The following MRE11 variants were observed in gnomAD, a reference collection of about 807,000 sequenced individuals.
MRE11 encodes the protein MRE11 double strand break repair nuclease, also known as double-strand break repair protein MRE11.
MRE11 carries 62 observed loss-of-function variants against 91.7 expected under a neutral mutation model. The observed-to-expected ratio is 0.68, with a 90% CI of 0.55 to 0.84. The LOEUF (loss-of-function observed/expected upper bound fraction) is 0.84. Ranked by LOEUF, MRE11 falls within the 40% of genes least tolerant of loss-of-function variation. MRE11 has a pLI of 0.00. For missense variants in MRE11, 796 were observed against 852.9 expected (o/e 0.93, Z 0.83); for synonymous variants, 273 against 271.4 (o/e 1.01, Z -0.06).
At chr11:94,464,089 A>C in intron 11 of MRE11, 24 bp downstream of exon 11, 1 of 1,606,720 alleles carries the variant, frequency 6.2e-7, no homozygotes, top group Non-Finnish European at 8.5e-7. Context: ...ACATTTTTTT[A>C]CCTCATAAAA....
chr11:94,507,688 TGTA>T, the MRE11 span, among the ~76,000 whole-genome samples: 1 of 152,192 alleles, frequency 6.6e-6, no homozygotes, highest in African/African-American at 2.4e-5. Flanking sequence ...CTAGTGGGCA[TGTA>T]GTAATAGCTC....
intron 3 of MRE11, 136 bp downstream of exon 3, chr11:94,490,697 G>A: frequency 3.0e-6 from 3 of 987,574 alleles, no homozygotes; most frequent in Non-Finnish European, 4.7e-6. Flanking sequence ...TCAGCTTTGA[G>A]CTTTCAGTAT....
At chr11:94,458,444 A>C (rs191900427) in intron 13 of MRE11, among the ~76,000 whole-genome samples, 127 of 152,252 alleles carry the variant, frequency 8.3e-4, no homozygotes, top group African/African-American at 2.9e-3. Context: ...TTCTTCCAAA[A>C]TGTCATTTTT....
intron 10 of MRE11, among the ~76,000 whole-genome samples, chr11:94,465,934 A>G (rs1465990760): frequency 3.9e-5 from 6 of 152,182 alleles, no homozygotes; most frequent in Non-Finnish European, 8.8e-5. Context: ...TAAACAGATC[A>G]CTGGAAGCAG....
intron 16 of MRE11, among the ~76,000 whole-genome samples, chr11:94,443,182 A>G (rs990525569): frequency 6.6e-6 from 1 of 152,238 alleles, no homozygotes; most frequent in African/African-American, 2.4e-5. Context: ...CTTTATATTA[A>G]TTACATAGGT....
intron 18 of MRE11, among the ~76,000 whole-genome samples, chr11:94,434,930 G>A (rs1247109930): frequency 6.6e-6 from 1 of 152,172 alleles, no homozygotes; most frequent in Non-Finnish European, 1.5e-5. Context: ...TACAAAATAA[G>A]GCAGTTGATT....
At chr11:94,440,551 A>G (rs1945751047) in intron 16 of MRE11, among the ~76,000 whole-genome samples, 1 of 152,240 alleles carries the variant, frequency 6.6e-6, no homozygotes, top group Admixed American at 6.5e-5. Flanking sequence ...CCCTGAGTTC[A>G]CTTTTCAATT....
intron 11 of MRE11, among the ~76,000 whole-genome samples, chr11:94,462,568 T>C (rs1021883072): frequency 2.6e-5 from 4 of 152,024 alleles, no homozygotes; most frequent in Non-Finnish European, 5.9e-5. Context: ...ATGGTGCTGG[T>C]TCCAAAATAA....
At chr11:94,481,925 G>C (rs1243114153) in intron 4 of MRE11, among the ~76,000 whole-genome samples, 1 of 152,080 alleles carries the variant, frequency 6.6e-6, no homozygotes, top group East Asian at 1.9e-4. Flanking sequence ...GAAACACAAA[G>C]AGGTAAAGTT....
chr11:94,468,728 A>AT (rs1447380277), intron 9 of MRE11, among the ~76,000 whole-genome samples: 1 of 152,212 alleles, frequency 6.6e-6, no homozygotes. Flanking sequence ...TTCTATGTGC[A>AT]TATTCAATAT....
At chr11:94,448,522 G>A (rs1011851324) in intron 14 of MRE11, among the ~76,000 whole-genome samples, 1 of 152,046 alleles carries the variant, frequency 6.6e-6, no homozygotes, top group Non-Finnish European at 1.5e-5. Flanking sequence ...GCTCAAGCCT[G>A]GGGGAAGCAG....
intron 4 of MRE11, among the ~76,000 whole-genome samples, chr11:94,481,006 A>T (rs1946998063): frequency 6.6e-6 from 1 of 152,192 alleles, no homozygotes; most frequent in African/African-American, 2.4e-5. Context: ...GAGTGAAATC[A>T]AACTTTTAAA....
chr11:94,465,562 A>AT (rs1414221307), intron 10 of MRE11, among the ~76,000 whole-genome samples: 1 of 151,720 alleles, frequency 6.6e-6, no homozygotes, highest in Non-Finnish European at 1.5e-5. Context: ...TACCTGGCTA[A>AT]TTTTTTTATT....
chr11:94,476,621 G>C (rs1005040764), intron 6 of MRE11, among the ~76,000 whole-genome samples: 1 of 151,836 alleles, frequency 6.6e-6, no homozygotes, highest in East Asian at 1.9e-4. Flanking sequence ...GTCCAGGCTG[G>C]TCTCAAACTC....
rs1946501376 is a variant in MRE11 at position 94,464,228 on chromosome 11, A to G, written c.1110T>C (p.Ser370=). ...GAACACTGAAAGGTTCAAAACCTCCACTATAGTCCACCTGAAAACACAGAA... is the reference window on the plus strand; with the variant it reads ...GAACACTGAAAGGTTCAAAACCTCCGCTATAGTCCACCTGAAAACACAGAA... The part of the protein sequence containing the change: ...KPLVRLRVDY[S]GGFEPFSVLR... The change falls in exon 11 of 20, where the codon AGT becomes AGC. Residue 370 remains serine, a synonymous_variant. Transcript: ENST00000323929. 2 of 1,613,820 alleles carry G rather than the reference A, an allele frequency of 1.2e-6. No homozygotes were observed. Among genetic ancestry groups the G allele is most frequent in the Non-Finnish European group, 1.7e-6 (2 of 1,179,910 alleles).
rs747832587 is a variant in MRE11 at position 94,459,466 on chromosome 11, GT to G, written c.1441del (p.Thr481HisfsTer43). On this transcript the variant is annotated frameshift_variant, in exon 13 of 20. Transcript: ENST00000323929. LOFTEE classifies it high-confidence loss of function. ...EELVKYQLEK[T>X]QRFLKERHID... ...ATGACGTTCTTTAAGAAATCGCTGTGTTTTTTCCAACTGGTATTTCACTAAT... is the reference window on the plus strand; with the variant it reads ...ATGACGTTCTTTAAGAAATCGCTGTGTTTTTCCAACTGGTATTTCACTAAT... 1 of 1,613,976 alleles carries G rather than the reference GT, an allele frequency of 6.2e-7. No homozygotes were observed. Among genetic ancestry groups the G allele is most frequent in the South Asian group, 1.1e-5 (1 of 91,084 alleles).
the MRE11 span, among the ~76,000 whole-genome samples, chr11:94,503,022 A>G: frequency 8.5e-5 from 13 of 152,146 alleles, no homozygotes; most frequent in Non-Finnish European, 1.2e-4. Context: ...TTCCATACTT[A>G]TGTGCAAATT....
chr11:94,430,768 G>A (rs371221113), intron 18 of MRE11, among the ~76,000 whole-genome samples: 44 of 152,056 alleles, frequency 2.9e-4, no homozygotes, highest in Admixed American at 2.9e-3. Context: ...ACGCCCAGCC[G>A]ATTCCTACTC....
At chr11:94,490,754 A>G in intron 3 of MRE11, 79 bp downstream of exon 3, 1 of 1,545,230 alleles carries the variant, frequency 6.5e-7, no homozygotes, top group Non-Finnish European at 8.9e-7. Context: ...TATAAAACAA[A>G]TCTCTAACTT....
Sources: allele counts gnomAD v4.1 joint callset (sites outside exome capture counted in the v4.1 genomes callset), GRCh38; gene constraint gnomAD v4.1.1; transcripts MANE v1.5; gene names NCBI Gene and HGNC (gene_info 2026-07-23, HGNC 2026-07-21).